Variants in SYNGR1 observed in about 807,000 individuals in gnomAD.
SYNGR1 encodes synaptogyrin-1.
Under a neutral mutation model 26.1 loss-of-function variants are expected in SYNGR1, and 14 were observed. That is an observed-to-expected ratio of 0.54 (90% confidence interval 0.35 to 0.84). The LOEUF is 0.84. Among genes scored for constraint, SYNGR1 ranks in the 40% least tolerant of loss-of-function variants. SYNGR1 has a pLI of 0.01. For synonymous variants in SYNGR1, 141 were observed against 150.1 expected (o/e 0.94, Z 0.44); for missense variants, 319 against 332.9 (o/e 0.96, Z 0.33).
intron 1 of SYNGR1, among the ~76,000 whole-genome samples, chr22:39,354,485 C>A (rs1399667342): frequency 1.3e-5 from 2 of 152,016 alleles, no homozygotes; most frequent in Non-Finnish European, 2.9e-5. Context: ...AGCTTCATAC[C>A]CCTGGTTTTA....
rs777217669 is a variant in SYNGR1, at chr22:39,375,998, C to A, written c.338-54C>A. On this transcript the variant is annotated intron_variant, in intron 2 of 3. Coordinates refer to ENST00000328933, the MANE Select transcript of SYNGR1 (RefSeq NM_004711.5). ...GGCTTCCCCATTTTCTCCCCACTCA[C>A]CCTCTCCCCCATGTGTGGCACTGCC... 52 of 1,612,022 alleles carry A rather than the reference C, an allele frequency of 3.2e-5. No individual in the cohort carries two copies. In the African/African-American group the frequency reaches 5.6e-4, roughly 17 times the overall value.
intron 1 of SYNGR1, among the ~76,000 whole-genome samples, chr22:39,362,287 C>T (rs1924513210): frequency 6.6e-6 from 1 of 152,164 alleles, no homozygotes; most frequent in Admixed American, 6.5e-5. Context: ...AGGCAGGGGT[C>T]TGCTCGCCCA....
rs372834958 is a variant in SYNGR1 at position 39,385,371 on chromosome 22, C to CTG, written c.*3470_*3471dup. The CTG allele has an allele frequency of 2.4e-3, 374 of 153,286 alleles. 1 individual carries two copies. The highest frequency in any genetic ancestry group is 8.6e-3 in the African/African-American group (357 of 41,484). The allele number at this position is 153,286 out of a possible 1,614,324, so 9.5% of individuals were successfully genotyped here. A position where few individuals can be genotyped will look rare whatever the true frequency, so the allele number is the denominator to read the frequency against. On this transcript the variant is annotated 3_prime_UTR_variant, in exon 4 of 4. Transcript: ENST00000328933. ...ATAATATAAGGCTCCACAAATATATCTGTGTGTGTGTGTGCGTGTGTGTGC... is the reference window on the plus strand; with the variant it reads ...ATAATATAAGGCTCCACAAATATATCTGTGTGTGTGTGTGTGCGTGTGTGTGC...
In SYNGR1 at chr22:39,350,064, C is replaced by A; in HGVS notation, c.54C>A (p.Tyr18Ter). The change falls in exon 1 of 4, where the codon TAC (tyrosine) becomes TAA (stop). Residue 18 changes from tyrosine to a stop codon, truncating the protein, a stop_gained. Coordinates refer to ENST00000328933, the MANE Select transcript of SYNGR1 (RefSeq NM_004711.5). LOFTEE classifies it high-confidence loss of function. This position sits in a 1 kb window ranked among gnomAD's most constrained non-coding sequence, Gnocchi z 4.3. Reference sequence around the variant, plus strand: ...AAGCCGGGGGCGCCTTCGACCCCTACACCCTGGTCCGGCAGCCGCACACCA... The same window carrying A: ...AAGCCGGGGGCGCCTTCGACCCCTAAACCCTGGTCCGGCAGCCGCACACCA... ...AGKAGGAFDPYTLVRQPHTIL... is the reference protein window; with the variant it reads ...AGKAGGAFDP 6.8e-7 allele frequency: 1 copy of A among 1,462,626 alleles called. No homozygotes were observed. Among genetic ancestry groups the A allele is most frequent in the East Asian group, 3.1e-5 (1 of 32,662 alleles). The allele number at this position is 1,462,626 out of a possible 1,614,324, so 90.6% of individuals were successfully genotyped here. A position where few individuals can be genotyped will look rare whatever the true frequency, so the allele number is the denominator to read the frequency against.
intron 3 of SYNGR1, chr22:39,378,412 G>A: frequency 1.0e-6 from 1 of 982,176 alleles, no homozygotes; most frequent in Middle Eastern, 5.2e-4. Context: ...TCTCTCCAGA[G>A]AGTCAGGGGC....
chr22:39,382,133 G>A lies in SYNGR1; in HGVS notation c.*219G>A, dbSNP rs767168836. The A allele has an allele frequency of 9.8e-6, 6 of 610,082 alleles. No individual in the cohort carries two copies. The highest frequency in any genetic ancestry group is 1.7e-5 in the Non-Finnish European group (6 of 344,462). The allele number at this position is 610,082 out of a possible 1,614,324, so 37.8% of individuals were successfully genotyped here. The stretch of plus-strand genomic sequence containing the variant: ...AGGGCATGTGCCCCGCAGGGGCCTA[G>A]AGGGTGGGGGCCAGGGGTATTTGCA... On this transcript the variant is annotated 3_prime_UTR_variant, in exon 4 of 4. Transcript: ENST00000328933.
chr22:39,371,729 C>T (rs567226555), intron 1 of SYNGR1, among the ~76,000 whole-genome samples: 27 of 152,232 alleles, frequency 1.8e-4, no homozygotes, highest in African/African-American at 6.3e-4. Flanking sequence ...AAGTGATCCT[C>T]CTTTCTCAGC....
At chr22:39,355,892 G>A (rs113241772) in intron 1 of SYNGR1, among the ~76,000 whole-genome samples, 2,003 of 152,220 alleles carry the variant, frequency 0.013, 27 homozygotes, top group Non-Finnish European at 0.022. Flanking sequence ...GGTGGCACGC[G>A]TCTGTAGTCC....
At chr22:39,381,674 C>T (rs1046375202) in intron 3 of SYNGR1, 22 bp from the exon 4 acceptor site, 2 of 1,613,008 alleles carry the variant, frequency 1.2e-6, no homozygotes, top group South Asian at 2.2e-5. Context: ...CTGTCCTTGT[C>T]CTCGCCGGCC....
intron 1 of SYNGR1, among the ~76,000 whole-genome samples, chr22:39,363,535 C>T (rs1924587337): frequency 6.6e-6 from 1 of 151,838 alleles, no homozygotes; most frequent in Non-Finnish European, 1.5e-5. Flanking sequence ...GCTGGGGAGG[C>T]TGAGAGAGAT....
chr22:39,371,144 A>T (rs1924999027), intron 1 of SYNGR1, among the ~76,000 whole-genome samples: 1 of 152,216 alleles, frequency 6.6e-6, no homozygotes, highest in African/African-American at 2.4e-5. Context: ...CATCCTGGGC[A>T]TCACCCAGGA....
chr22:39,364,231 C>T, intron 1 of SYNGR1: 1 of 1,613,976 alleles, frequency 6.2e-7, no homozygotes, highest in South Asian at 1.1e-5. Context: ...GGAATTCGAT[C>T]CTTCATGGAT....
chr22:39,367,425 G>A (rs894831315), intron 1 of SYNGR1, among the ~76,000 whole-genome samples: 2 of 152,170 alleles, frequency 1.3e-5, no homozygotes, highest in Non-Finnish European at 2.9e-5. Flanking sequence ...GGCCTGGGGC[G>A]TGCAAAGGTG....
At chr22:39,375,443 G>A (rs963824644) in intron 2 of SYNGR1, 1 of 178,162 alleles carries the variant, frequency 5.6e-6, no homozygotes, top group African/African-American at 2.4e-5. Flanking sequence ...GCGTGGCTAT[G>A]AGGCTCCCAC....
intron 3 of SYNGR1, chr22:39,377,689 A>T (rs748724610): frequency 3.1e-6 from 5 of 1,613,532 alleles, no homozygotes; most frequent in Non-Finnish European, 4.2e-6. Context: ...GCACAGCCGT[A>T]GGCCTCCCCG....
intron 1 of SYNGR1, among the ~76,000 whole-genome samples, chr22:39,366,154 G>C (rs1321015373): frequency 6.6e-6 from 1 of 150,746 alleles, no homozygotes; most frequent in Non-Finnish European, 1.5e-5. Flanking sequence ...TAGTAGAGAT[G>C]GGGTTTCACC....
At chr22:39,380,822 T>C (rs1925476370) in intron 3 of SYNGR1, among the ~76,000 whole-genome samples, 1 of 151,982 alleles carries the variant, frequency 6.6e-6, no homozygotes, top group Admixed American at 6.6e-5. Context: ...GGTTTCACCA[T>C]GTTGGCCAGG....
intron 1 of SYNGR1, among the ~76,000 whole-genome samples, chr22:39,354,740 G>A (rs1413670021): frequency 6.6e-6 from 1 of 152,120 alleles, no homozygotes; most frequent in East Asian, 1.9e-4. Flanking sequence ...TCAGGAGGCT[G>A]AGGCAGGAGA....
rs1925554232 is a variant in SYNGR1 at position 39,383,199 on chromosome 22, GGCCCACTGTGGA to G, written c.*1289_*1300del. 1 of 152,374 alleles carries G rather than the reference GGCCCACTGTGGA, an allele frequency of 6.6e-6. No homozygotes were observed. Among genetic ancestry groups the G allele is most frequent in the African/African-American group, 2.4e-5 (1 of 41,452 alleles). The allele number at this position is 152,374 out of a possible 1,614,324, so 9.4% of individuals were successfully genotyped here. A position where few individuals can be genotyped will look rare whatever the true frequency, so the allele number is the denominator to read the frequency against. ...GAGGTGTTTCCTTGGCCTTCCAGAA[GGCCCACTGTGGA>G]GCCAGCCTCCCTATGGGAGGCAGAG... is the stretch of plus-strand genomic sequence containing the variant. On this transcript the variant is annotated 3_prime_UTR_variant, in exon 4 of 4. Transcript: ENST00000328933.
Sources: allele counts gnomAD v4.1 joint callset (sites outside exome capture counted in the v4.1 genomes callset), GRCh38; gene constraint gnomAD v4.1.1; non-coding constraint Gnocchi (gnomAD v3.1); transcripts MANE v1.5; gene names NCBI Gene and HGNC (gene_info 2026-07-23, HGNC 2026-07-21).